PCDHGA10: variants seen among roughly 807,000 people sequenced by gnomAD.
PCDHGA10 encodes protocadherin gamma-A10.
Under a neutral mutation model 59.5 loss-of-function variants are expected in PCDHGA10, and 42 were observed. The ratio of observed to expected loss-of-function variants is 0.71; its 90% CI spans 0.55 to 0.91. The LOEUF (loss-of-function observed/expected upper bound fraction) is 0.91. PCDHGA10 is among the 40% of genes least tolerant of loss of function. PCDHGA10 has a pLI of 0.00. For synonymous variants in PCDHGA10, 511 were observed against 517.2 expected (o/e 0.99, Z 0.16); for missense variants, 1,111 against 1,198.2 (o/e 0.93, Z 1.07).
At chr5:141,497,478 C>A (rs974494984) in intron 2 of PCDHGA10, among the ~76,000 whole-genome samples, 1 of 150,954 alleles carries the variant, frequency 6.6e-6, no homozygotes, top group African/African-American at 2.4e-5. Flanking sequence ...GGAGAAGGTG[C>A]GGAACCTCTC....
At chr5:141,430,078 T>A (rs911861599) in intron 1 of PCDHGA10, among the ~76,000 whole-genome samples, 2 of 152,282 alleles carry the variant, frequency 1.3e-5, no homozygotes, top group Admixed American at 1.3e-4. Context: ...TTCCATAATA[T>A]CATGAAAATT....
intron 3 of PCDHGA10, chr5:141,507,089 C>T (rs564539147): frequency 2.0e-5 from 3 of 152,298 alleles, no homozygotes; most frequent in Admixed American, 1.3e-4. Context: ...TAAGTTTATG[C>T]TCTTTCTACT....
chr5:141,494,740 T>C, intron 1 of PCDHGA10, 67 bp from the exon 2 acceptor site: 1 of 1,612,194 alleles, frequency 6.2e-7, no homozygotes, highest in Non-Finnish European at 8.5e-7. Context: ...GGCCCATCCC[T>C]AGGGGCTCGG....
intron 2 of PCDHGA10, among the ~76,000 whole-genome samples, chr5:141,504,506 A>T (rs575756846): frequency 1.3e-5 from 2 of 152,096 alleles, no homozygotes; most frequent in African/African-American, 4.8e-5. Context: ...GTCTGAGTGG[A>T]TCTCCTCTGA....
intron 2 of PCDHGA10, among the ~76,000 whole-genome samples, chr5:141,497,920 C>T (rs548251626): frequency 6.6e-6 from 1 of 152,336 alleles, no homozygotes; most frequent in East Asian, 1.9e-4. Flanking sequence ...CTCCTTCATT[C>T]ATTCAACAAA....
At chr5:141,468,652 G>A (rs1206892693) in intron 1 of PCDHGA10, 2 of 149,062 alleles carry the variant, frequency 1.3e-5, no homozygotes, top group African/African-American at 2.5e-5. Context: ...GGATCACAAG[G>A]TCAGGAGATC....
rs766387243 is a variant in PCDHGA10 at position 141,489,017 on chromosome 5, TCTC to T, written c.2437-5782_2437-5780del. The stretch of plus-strand genomic sequence containing the variant: ...GGGAGATCTGCTCTTCCAGCCCGCC[TCTC>T]CTCCTCCAGCTCCCCAGCTCCACTC... On this transcript the variant is annotated intron_variant, in intron 1 of 3. Transcript: ENST00000398610. This position sits in a 1 kb window ranked among gnomAD's most constrained non-coding sequence, Gnocchi z 4.5. 2 of 435,354 alleles carry T rather than the reference TCTC, an allele frequency of 4.6e-6. No individual in the cohort carries two copies. Among genetic ancestry groups the T allele is most frequent in the Non-Finnish European group, 8.1e-6 (2 of 247,876 alleles). The allele number at this position is 435,354 out of a possible 1,614,324, so 27.0% of individuals were successfully genotyped here. A position where few individuals can be genotyped will look rare whatever the true frequency, so the allele number is the denominator to read the frequency against.
At chr5:141,460,331 A>T (rs537463160) in intron 1 of PCDHGA10, among the ~76,000 whole-genome samples, 3 of 152,212 alleles carry the variant, frequency 2.0e-5, no homozygotes, top group African/African-American at 7.2e-5. Flanking sequence ...AAAACTTATG[A>T]TGATTTTCTC....
At position 141,485,035 on chromosome 5, in the gene PCDHGA10, AC is replaced by A; in HGVS notation, c.2437-9769del. ...CCGCCACCAGCAAAAACGGCGCGTA[AC>A]CCTTGCGGCGCCGGCCGAACCGCGC... On this transcript the variant is annotated intron_variant, in intron 1 of 3. Coordinates refer to ENST00000398610, the MANE Select transcript of PCDHGA10 (RefSeq NM_018913.3). The surrounding 1 kb of genome is among the most constrained non-coding windows in gnomAD (Gnocchi z 5.7). 1.4e-6 allele frequency: 1 copy of A among 694,388 alleles called. No homozygotes were observed. Among genetic ancestry groups the A allele is most frequent in the East Asian group, 2.6e-5 (1 of 38,852 alleles). The allele number at this position is 694,388 out of a possible 1,614,324, so 43.0% of individuals were successfully genotyped here.
At chr5:141,463,265 A>G (rs2099055701) in intron 1 of PCDHGA10, among the ~76,000 whole-genome samples, 1 of 151,998 alleles carries the variant, frequency 6.6e-6, no homozygotes, top group African/African-American at 2.4e-5. Flanking sequence ...ACTCTATCCC[A>G]TAAATTCTGG....
chr5:141,481,913 CAAAAAAAA>C (rs34114744), intron 1 of PCDHGA10, among the ~76,000 whole-genome samples: 1 of 90,852 alleles, frequency 1.1e-5, no homozygotes, highest in African/African-American at 4.2e-5. Flanking sequence ...AACTCCATCT[CAAAAAAAA>C]AAAAAAAAAA....
Position 141,485,856 on chromosome 5 carries a change from T to C in PCDHGA10, c.2437-8951T>C. ...CCGCCGAGATCTGGCACCGCAGAGC[T>C]CCGGGTATCCGTGCTGGACGTAAAC... is the stretch of plus-strand genomic sequence containing the variant. On this transcript the variant is annotated intron_variant, in intron 1 of 3. Coordinates refer to ENST00000398610, the MANE Select transcript of PCDHGA10 (RefSeq NM_018913.3). The surrounding 1 kb of genome is among the most constrained non-coding windows in gnomAD (Gnocchi z 5.7). 1 of 1,614,108 alleles carries C rather than the reference T, an allele frequency of 6.2e-7. No individual in the cohort carries two copies. The highest frequency in any genetic ancestry group is 8.5e-7 in the Non-Finnish European group (1 of 1,180,014).
In PCDHGA10 at chr5:141,476,886, C is replaced by T; in HGVS notation, c.2437-17921C>T. ...TACCGGGCGCGCGTCCTGGAGGATG[C>T]ACCCTCCGGCACGCGCGTGGTACAA... On this transcript the variant is annotated intron_variant, in intron 1 of 3. Transcript: ENST00000398610. This position sits in a 1 kb window ranked among gnomAD's most constrained non-coding sequence, Gnocchi z 7.6. The T allele has an allele frequency of 9.9e-6, 16 of 1,613,924 alleles. No individual in the cohort carries two copies. Among genetic ancestry groups the T allele is most frequent in the Non-Finnish European group, 1.4e-5 (16 of 1,180,032 alleles).
At position 141,486,218 on chromosome 5, in the gene PCDHGA10, T is replaced by A. The variant is rs1467104398; in HGVS notation, c.2437-8589T>A. The A allele has an allele frequency of 2.5e-6, 4 of 1,614,004 alleles. No homozygotes were observed. The African/African-American group carries it at 5.3e-5, about 22-fold the overall frequency. On this transcript the variant is annotated intron_variant, in intron 1 of 3. Transcript: ENST00000398610. The surrounding 1 kb of genome is among the most constrained non-coding windows in gnomAD (Gnocchi z 5.0). ...GCTGGACGTAAATGACAATGCCCCT[T>A]ACATCACAGTGACCTCAGAGCTTGG...
At chr5:141,419,137 C>T (rs764281503) in intron 1 of PCDHGA10, 1 of 1,613,892 alleles carries the variant, frequency 6.2e-7, no homozygotes, top group Non-Finnish European at 8.5e-7. Flanking sequence ...CAGCCACAGA[C>T]AGGGGCAAGC....
chr5:141,447,058 G>A (rs1356080567), intron 1 of PCDHGA10, among the ~76,000 whole-genome samples: 1 of 152,068 alleles, frequency 6.6e-6, no homozygotes, highest in Non-Finnish European at 1.5e-5. Flanking sequence ...ATTAAAATGT[G>A]TCAGGCTGTT....
At chr5:141,481,894 A>G (rs1278425155) in intron 1 of PCDHGA10, among the ~76,000 whole-genome samples, 1 of 145,812 alleles carries the variant, frequency 6.9e-6, no homozygotes, top group Non-Finnish European at 1.5e-5. Flanking sequence ...AGCCTGGGTG[A>G]AAGAGCGAAA....
At chr5:141,418,891 C>T in intron 1 of PCDHGA10, 2 of 1,613,842 alleles carry the variant, frequency 1.2e-6, no homozygotes, top group South Asian at 2.2e-5. Flanking sequence ...ACGACAACAG[C>T]CCAGAAATAA....
chr5:141,422,909 C>T (rs1260941191), intron 1 of PCDHGA10: 1 of 1,614,252 alleles, frequency 6.2e-7, no homozygotes, highest in East Asian at 2.2e-5. Flanking sequence ...GACAATGCGC[C>T]CGAGATCCTG....
Sources: allele counts gnomAD v4.1 joint callset (sites outside exome capture counted in the v4.1 genomes callset), GRCh38; gene constraint gnomAD v4.1.1; non-coding constraint Gnocchi (gnomAD v3.1); transcripts MANE v1.5; gene names NCBI Gene and HGNC (gene_info 2026-07-23, HGNC 2026-07-21).